The following BTRC variants were observed in gnomAD, a reference collection of about 807,000 sequenced individuals.
The protein encoded by BTRC is beta-transducin repeat containing E3 ubiquitin protein ligase.
In BTRC, 42 loss-of-function variants were observed where a neutral mutation model predicts 85.5. The ratio of observed to expected loss-of-function variants is 0.49; its 90% confidence interval spans 0.38 to 0.64. The LOEUF (loss-of-function observed/expected upper bound fraction) is 0.64, where lower values mean the gene tolerates loss of function less well. Ranked by LOEUF, BTRC falls within the 30% of genes least tolerant of loss-of-function variation. The pLI, the probability that BTRC is intolerant of heterozygous loss-of-function variation, is 0.00. For synonymous variants in BTRC, 255 were observed against 263.3 expected (o/e 0.97, Z 0.30); for missense variants, 594 against 743.5 (o/e 0.80, Z 2.34).
At position 101,521,697 on chromosome 10, in the gene BTRC, C is replaced by G; in HGVS notation, c.383C>G (p.Ala128Gly). 1 of 1,614,162 alleles carries G rather than the reference C, an allele frequency of 6.2e-7. No individual in the cohort carries two copies. Among genetic ancestry groups the G allele is most frequent in the Non-Finnish European group, 8.5e-7 (1 of 1,180,032 alleles). ...GTGCCCAAGCAACGGAAACTCTCAG[C>G]AAGCTATGAAAAGGAAAAGGAACTG... ...MIVPKQRKLS[A>G]SYEKEKELCV... Residue 128 changes from alanine to glycine, a missense_variant, in exon 5 of 15, where the codon GCA (alanine) becomes GGA (glycine). By Grantham distance (60) the Ala-to-Gly change is moderately conservative. Around this residue, in one of 4 missense-constraint regions of BTRC, gnomAD observed 163 missense variants for 180.5 expected, o/e 0.90. Coordinates refer to ENST00000370187, the MANE Select transcript of BTRC (RefSeq NM_033637.4).
chr10:101,387,528 C>CTTTTTGTTTTTTTTTTTTTT (rs1943111169), intron 1 of BTRC, among the ~76,000 whole-genome samples: 1 of 45,122 alleles, frequency 2.2e-5, no homozygotes, highest in Non-Finnish European at 3.4e-5. Flanking sequence ...CTTCATGGGA[C>CTTTTTGTTTTTTTTTTTTTT]TTTTTTTTTT....
chr10:101,486,622 G>A (rs1470826422), intron 4 of BTRC, among the ~76,000 whole-genome samples: 1 of 152,010 alleles, frequency 6.6e-6, no homozygotes, highest in Non-Finnish European at 1.5e-5. Context: ...TATTTAAAAG[G>A]CATCGGTTTC....
chr10:101,470,853 C>T (rs551856416), intron 3 of BTRC, among the ~76,000 whole-genome samples: 2 of 152,294 alleles, frequency 1.3e-5, no homozygotes, highest in East Asian at 3.9e-4. Context: ...GTTTCAGCAC[C>T]ATTGTTGAAA....
At chr10:101,389,119 GTTTTTTT>G (rs1188561028) in intron 1 of BTRC, among the ~76,000 whole-genome samples, 5 of 41,556 alleles carry the variant, frequency 1.2e-4, no homozygotes, top group East Asian at 2.1e-3. Context: ...TTTTGTGTGT[GTTTTTTT>G]TTTTTTTTTT....
At chr10:101,540,585 G>C (rs1182404984) in intron 13 of BTRC, among the ~76,000 whole-genome samples, 1 of 151,964 alleles carries the variant, frequency 6.6e-6, no homozygotes, top group Non-Finnish European at 1.5e-5. Flanking sequence ...AGTTTTTTGG[G>C]GCCTTTGATT....
At chr10:101,500,985 A>G (rs1036219731) in intron 4 of BTRC, among the ~76,000 whole-genome samples, 1 of 152,162 alleles carries the variant, frequency 6.6e-6, no homozygotes, top group African/African-American at 2.4e-5. Context: ...CCTGAGGTCA[A>G]GGAGTTCAAG....
intron 2 of BTRC, among the ~76,000 whole-genome samples, chr10:101,461,044 A>G (rs1230647130): frequency 6.6e-6 from 1 of 151,970 alleles, no homozygotes; most frequent in Non-Finnish European, 1.5e-5. Flanking sequence ...CTGGGATTAC[A>G]GGCACCCACC....
intron 4 of BTRC, among the ~76,000 whole-genome samples, chr10:101,503,241 G>A (rs191744710): frequency 2.6e-4 from 39 of 152,136 alleles, no homozygotes; most frequent in African/African-American, 8.0e-4. Context: ...CAGTGCATAT[G>A]TAAACCTCTT....
At chr10:101,393,741 C>T (rs1176233403) in intron 1 of BTRC, among the ~76,000 whole-genome samples, 1 of 152,180 alleles carries the variant, frequency 6.6e-6, no homozygotes, top group Non-Finnish European at 1.5e-5. Context: ...TCTTTCCCTA[C>T]ACACTCCCCC....
intron 3 of BTRC, among the ~76,000 whole-genome samples, chr10:101,477,975 C>T (rs1198288035): frequency 6.6e-6 from 1 of 152,062 alleles, no homozygotes; most frequent in African/African-American, 2.4e-5. Context: ...ATCTCTTCAA[C>T]ATTACCAGAT....
At position 101,425,626 on chromosome 10, in the gene BTRC, C is replaced by CT. The variant is rs59643321; in HGVS notation, c.49-4703dup. The stretch of plus-strand genomic sequence containing the variant: ...TAGTTGCTGCTTAGTTTAAAACCTG[C>CT]TTTTTTTTTTTTTTTTAATTAAAAA... On this transcript the variant is annotated intron_variant, in intron 1 of 14. Transcript: ENST00000370187. Among the ~76,000 whole-genome samples, 409 of 139,724 alleles carry CT rather than the reference C, an allele frequency of 2.9e-3. 1 individual carries two copies. Among genetic ancestry groups the CT allele is most frequent in the East Asian group, 0.016 (77 of 4,682 alleles). The allele number at this position is 139,724 out of a possible 152,430, so 91.7% of individuals were successfully genotyped here.
chr10:101,513,453 TCCAGCCTCAGGCAA>T (rs2061982703), intron 4 of BTRC, among the ~76,000 whole-genome samples: 1 of 152,166 alleles, frequency 6.6e-6, no homozygotes, highest in Admixed American at 6.5e-5. Context: ...CATCTCTACA[TCCAGCCTCAGGCAA>T]CCACTGATCT....
At chr10:101,381,661 C>T (rs1233957949) in intron 1 of BTRC, among the ~76,000 whole-genome samples, 1 of 151,962 alleles carries the variant, frequency 6.6e-6, no homozygotes, top group Non-Finnish European at 1.5e-5. Flanking sequence ...ATTCTTTTTT[C>T]AACTCCTCAG....
intron 12 of BTRC, 144 bp downstream of exon 12, chr10:101,536,797 G>T (rs780962901): frequency 1.2e-5 from 7 of 570,658 alleles, no homozygotes; most frequent in Non-Finnish European, 1.8e-5. Flanking sequence ...TCTTTAATCC[G>T]TGTATTTACC....
chr10:101,402,770 C>T lies in BTRC; in HGVS notation c.49-27575C>T, dbSNP rs116643748. Among the ~76,000 whole-genome samples the T allele has an allele frequency of 3.8e-3, 584 of 152,312 alleles. 6 individuals carry two copies. The highest frequency in any genetic ancestry group is 0.013 in the African/African-American group (547 of 41,566). On this transcript the variant is annotated intron_variant, in intron 1 of 14. Coordinates refer to ENST00000370187, the MANE Select transcript of BTRC (RefSeq NM_033637.4). The stretch of plus-strand genomic sequence containing the variant: ...AAGTCTGTTCCACAACCTGATATGT[C>T]ATGCCTTCTCAGTTGTCATGATAAT...
At chr10:101,540,767 G>C (rs2062454199) in intron 13 of BTRC, among the ~76,000 whole-genome samples, 1 of 152,136 alleles carries the variant, frequency 6.6e-6, no homozygotes, top group African/African-American at 2.4e-5. Flanking sequence ...AAAGTGCTTG[G>C]ATTATAGGCC....
intron 2 of BTRC, among the ~76,000 whole-genome samples, chr10:101,435,321 T>G (rs1944500719): frequency 6.6e-6 from 1 of 152,204 alleles, no homozygotes; most frequent in Non-Finnish European, 1.5e-5. Flanking sequence ...ACACAACAGT[T>G]TCATAATCTG....
chr10:101,426,183 A>G (rs1944247189), intron 1 of BTRC, among the ~76,000 whole-genome samples: 1 of 152,258 alleles, frequency 6.6e-6, no homozygotes, highest in African/African-American at 2.4e-5. Context: ...TAAAAGTTAT[A>G]GCCCACTCCA....
chr10:101,399,049 C>G lies in BTRC; in HGVS notation c.49-31296C>G, dbSNP rs1029793362. Among the ~76,000 whole-genome samples the G allele has an allele frequency of 3.9e-5, 6 of 152,130 alleles. No individual in the cohort carries two copies. The East Asian group carries it at 1.2e-3, about 29-fold the overall frequency. On this transcript the variant is annotated intron_variant, in intron 1 of 14. Coordinates refer to ENST00000370187, the MANE Select transcript of BTRC (RefSeq NM_033637.4). ...CTCACTGCAACGTCCGCCTCCTGGG[C>G]TCAAGCGATTCTCCTGCATCAGCCT...
Sources: allele counts gnomAD v4.1 joint callset (sites outside exome capture counted in the v4.1 genomes callset), GRCh38; gene constraint gnomAD v4.1.1; regional missense constraint gnomAD v4.1.1; transcripts MANE v1.5; gene names NCBI Gene and HGNC (gene_info 2026-07-23, HGNC 2026-07-21).